ARHGAP28: variants seen among roughly 807,000 people sequenced by gnomAD.
ARHGAP28 encodes the protein rho GTPase-activating protein 28.
ARHGAP28 carries 56 observed loss-of-function variants against 90.7 expected under a neutral mutation model. The ratio of observed to expected loss-of-function variants is 0.62; its 90% CI spans 0.50 to 0.77. The LOEUF is 0.77. Ranked by LOEUF, ARHGAP28 falls within the 30% of genes least tolerant of loss-of-function variation. The probability of loss-of-function intolerance (pLI) is 0.00; values close to 1 mark genes in which losing one functional copy is unlikely to be tolerated. For synonymous variants in ARHGAP28, 308 were observed against 323.3 expected (o/e 0.95, Z 0.51); for missense variants, 869 against 900.9 (o/e 0.96, Z 0.45).
intron 1 of ARHGAP28, among the ~76,000 whole-genome samples, chr18:6,743,010 G>GAGGT (rs1410084042): frequency 2.0e-5 from 3 of 152,154 alleles, no homozygotes; most frequent in Non-Finnish European, 4.4e-5. Flanking sequence ...TAGAGTTGTA[G>GAGGT]AGGTGGGAGC....
At chr18:6,859,992 C>A in intron 5 of ARHGAP28, 95 bp downstream of exon 5, 2 of 1,075,912 alleles carry the variant, frequency 1.9e-6, no homozygotes, top group Non-Finnish European at 2.8e-6. Flanking sequence ...TTCTTTAAAA[C>A]ATTAAAAAAT....
intron 2 of ARHGAP28, among the ~76,000 whole-genome samples, chr18:6,828,664 A>G (rs1023038832): frequency 1.3e-5 from 2 of 152,188 alleles, no homozygotes; most frequent in African/African-American, 4.8e-5. Flanking sequence ...TCCCAGCACC[A>G]TTTATTGAAT....
chr18:6,751,269 G>C (rs556822078), intron 1 of ARHGAP28, among the ~76,000 whole-genome samples: 1 of 151,512 alleles, frequency 6.6e-6, no homozygotes, highest in African/African-American at 2.4e-5. Context: ...GTTAATCTAC[G>C]TCAGGTTCCA....
At chr18:6,780,716 C>G (rs1232749765) in intron 1 of ARHGAP28, among the ~76,000 whole-genome samples, 1 of 152,060 alleles carries the variant, frequency 6.6e-6, no homozygotes, top group Admixed American at 6.5e-5. Flanking sequence ...TAGCAAAACC[C>G]CGTCTCTACT....
chr18:6,825,882 A>G (rs1056190226), intron 2 of ARHGAP28, among the ~76,000 whole-genome samples: 5 of 152,156 alleles, frequency 3.3e-5, no homozygotes, highest in Non-Finnish European at 7.3e-5. Flanking sequence ...TTGATTCCAT[A>G]TCTTTGCAAT....
Position 6,914,076 on chromosome 18 carries a change from T to A in ARHGAP28, c.*1922T>A, listed in dbSNP as rs1156307053. 6.6e-6 allele frequency: 1 copy of A among 152,212 alleles called. No individual in the cohort carries two copies. The highest frequency in any genetic ancestry group is 2.4e-5 in the African/African-American group (1 of 41,470). 9.4% of individuals were successfully genotyped at this position (152,212 alleles called of 1,614,324 possible). A position where few individuals can be genotyped will look rare whatever the true frequency, so the allele number is the denominator to read the frequency against. ...ATTTCCTTGCATTTGAATGGTTCAA[T>A]TCTGTTGTGTTTATGTAGAAAATTC... On this transcript the variant is annotated 3_prime_UTR_variant, in exon 18 of 18. Transcript: ENST00000383472.
chr18:6,809,988 T>C (rs1181247246), intron 1 of ARHGAP28, among the ~76,000 whole-genome samples: 1 of 152,186 alleles, frequency 6.6e-6, no homozygotes, highest in Non-Finnish European at 1.5e-5. Flanking sequence ...TTTTTAGTCT[T>C]CTCTTTGCAT....
chr18:6,729,963 C>T lies in ARHGAP28; in HGVS notation c.122+20C>T. On this transcript the variant is annotated intron_variant, in intron 1 of 17. Coordinates refer to ENST00000383472, the MANE Select transcript of ARHGAP28 (RefSeq NM_001366230.1). Reference sequence around the variant, plus strand: ...CAGCAGGTACCCGGAGCCGCTCCCACCAGGGCGGCGCAGTCGCGCTGGGCT... The same window carrying T: ...CAGCAGGTACCCGGAGCCGCTCCCATCAGGGCGGCGCAGTCGCGCTGGGCT... The T allele has an allele frequency of 1.5e-6, 2 of 1,333,682 alleles. No homozygotes were observed. The highest frequency in any genetic ancestry group is 1.9e-6 in the Non-Finnish European group (2 of 1,046,336). The allele number at this position is 1,333,682 out of a possible 1,614,324, so 82.6% of individuals were successfully genotyped here. A position where few individuals can be genotyped will look rare whatever the true frequency, so the allele number is the denominator to read the frequency against.
chr18:6,854,591 C>T (rs1439462365), intron 4 of ARHGAP28, among the ~76,000 whole-genome samples: 1 of 152,128 alleles, frequency 6.6e-6, no homozygotes, highest in Admixed American at 6.5e-5. Flanking sequence ...AAGGCAGGCC[C>T]CTCTGGAGCT....
At chr18:6,858,670 A>G (rs2056973394) in intron 4 of ARHGAP28, among the ~76,000 whole-genome samples, 1 of 151,884 alleles carries the variant, frequency 6.6e-6, no homozygotes, top group Admixed American at 6.6e-5. Flanking sequence ...CAGCTTCCCA[A>G]CAGGCATGCA....
chr18:6,843,096 A>G (rs1600238015), intron 3 of ARHGAP28, among the ~76,000 whole-genome samples: 1 of 152,128 alleles, frequency 6.6e-6, no homozygotes, highest in African/African-American at 2.4e-5. Context: ...TTCTCTTTTT[A>G]TACACTATTC....
intron 1 of ARHGAP28, among the ~76,000 whole-genome samples, chr18:6,795,756 TG>T: frequency 6.6e-6 from 1 of 152,270 alleles, no homozygotes; most frequent in East Asian, 1.9e-4. Context: ...ACATTCTCAC[TG>T]GGCAAGCTGG....
intron 2 of ARHGAP28, among the ~76,000 whole-genome samples, chr18:6,833,226 T>C (rs1413752142): frequency 6.6e-6 from 1 of 152,064 alleles, no homozygotes; most frequent in African/African-American, 2.4e-5. Flanking sequence ...GTATTATATG[T>C]ATATATACAT....
At chr18:6,837,174 C>T (rs776934056) in intron 2 of ARHGAP28, 23 bp from the exon 3 acceptor site, 3 of 1,520,676 alleles carry the variant, frequency 2.0e-6, no homozygotes, top group Admixed American at 3.9e-5. Context: ...TTCTAACCCT[C>T]TCTTGGTAAT....
intron 1 of ARHGAP28, among the ~76,000 whole-genome samples, chr18:6,778,350 A>G (rs555981855): frequency 1.3e-5 from 2 of 152,230 alleles, no homozygotes; most frequent in East Asian, 1.9e-4. Flanking sequence ...CTAAAAATGT[A>G]TGAGTTTCTT....
chr18:6,858,671 C>G (rs112958054), intron 4 of ARHGAP28, among the ~76,000 whole-genome samples: 78 of 151,924 alleles, frequency 5.1e-4, no homozygotes, highest in African/African-American at 1.9e-3. Flanking sequence ...AGCTTCCCAA[C>G]AGGCATGCAC....
intron 15 of ARHGAP28, 50 bp from the exon 16 acceptor site, chr18:6,896,452 G>T (rs747010766): frequency 3.7e-6 from 6 of 1,604,162 alleles, no homozygotes; most frequent in Non-Finnish European, 5.1e-6. Context: ...TCATTGAGCC[G>T]ATATTCATCC....
At chr18:6,791,819 CTTTTTTTTT>C (rs369903224) in intron 1 of ARHGAP28, 5 of 146,050 alleles carry the variant, frequency 3.4e-5, no homozygotes, top group African/African-American at 1.3e-4. Flanking sequence ...CAGTTTTTTT[CTTTTTTTTT>C]TAATTTGTGG....
Position 6,873,647 on chromosome 18 carries a change from CTTT to C in ARHGAP28, c.1121-28_1121-26del, listed in dbSNP as rs753816928. On this transcript the variant is annotated intron_variant, in intron 8 of 17. Coordinates refer to ENST00000383472, the MANE Select transcript of ARHGAP28 (RefSeq NM_001366230.1). The stretch of plus-strand genomic sequence containing the variant: ...GGAATAAGATAATGCTTTTCTAATT[CTTT>C]TTTTTTTTCCCCCTTTACTGTCTCA... 3.3e-6 allele frequency: 4 copies of C among 1,221,018 alleles called. No individual in the cohort carries two copies. The Admixed American group carries it at 8.4e-5, about 26-fold the overall frequency. 75.6% of individuals were successfully genotyped at this position (1,221,018 alleles called of 1,614,324 possible).
Sources: gnomAD v4.1 joint callset for allele counts (sites outside exome capture counted in the v4.1 genomes callset) on GRCh38, gnomAD v4.1.1 for gene constraint, MANE v1.5 for transcripts, NCBI Gene and HGNC (gene_info 2026-07-23, HGNC 2026-07-21) for gene names.